The following WWOX variants were observed in gnomAD, a reference collection of about 807,000 sequenced individuals.
The protein encoded by WWOX is WW domain-containing oxidoreductase.
WWOX carries 69 observed loss-of-function variants against 46.2 expected under a neutral mutation model. The observed-to-expected ratio is 1.49, with a 90% CI of 1.23 to 1.82. The LOEUF (loss-of-function observed/expected upper bound fraction) is 1.82, where lower values mean the gene tolerates loss of function less well. Among genes scored for constraint, WWOX ranks in the 40% most tolerant of loss-of-function variants. The pLI, the probability that WWOX is intolerant of heterozygous loss-of-function variation, is 0.00. For missense variants in WWOX, 919 were observed against 542.6 expected (o/e 1.69, Z -6.89); for synonymous variants, 359 against 202.6 (o/e 1.77, Z -6.56).
At chr16:78,581,747 G>C (rs1244951033) in intron 8 of WWOX, among the ~76,000 whole-genome samples, 3 of 152,130 alleles carry the variant, frequency 2.0e-5, no homozygotes, top group Admixed American at 2.0e-4. Flanking sequence ...ATTATCTCTT[G>C]TAACACCAGG....
chr16:78,946,871 C>G (rs2045959355), intron 8 of WWOX, among the ~76,000 whole-genome samples: 1 of 152,058 alleles, frequency 6.6e-6, no homozygotes, highest in Non-Finnish European at 1.5e-5. Context: ...GTGGCAAGGA[C>G]AAGAGGACAT....
intron 8 of WWOX, among the ~76,000 whole-genome samples, chr16:78,533,406 TGAG>T (rs950227917): frequency 2.2e-4 from 18 of 83,014 alleles, no homozygotes; most frequent in African/African-American, 4.4e-4. Flanking sequence ...CAATTGTTGA[TGAG>T]CTAAAAAAAA....
At chr16:78,127,683 C>G (rs555598924) in intron 4 of WWOX, among the ~76,000 whole-genome samples, 3 of 152,310 alleles carry the variant, frequency 2.0e-5, no homozygotes, top group Non-Finnish European at 2.9e-5. Flanking sequence ...CATTAGCACA[C>G]TTGTTCACCC....
chr16:78,734,328 A>C lies in WWOX; in HGVS notation c.1056+301576A>C, dbSNP rs1339907196. ...TCTCAGGAGGGTAGCCTCAGATATAAGCTTAGGAGTCCTGAATTTATCATC... is the reference window on the plus strand; with the variant it reads ...TCTCAGGAGGGTAGCCTCAGATATACGCTTAGGAGTCCTGAATTTATCATC... On this transcript the variant is annotated intron_variant, in intron 8 of 8. Coordinates refer to ENST00000566780, the MANE Select transcript of WWOX (RefSeq NM_016373.4). Among the ~76,000 whole-genome samples the C allele has an allele frequency of 2.6e-5, 4 of 152,132 alleles. No individual in the cohort carries two copies. In the East Asian group the frequency reaches 7.8e-4, roughly 29 times the overall value.
At chr16:78,891,066 A>G (rs58151365) in intron 8 of WWOX, 1 of 152,210 alleles carries the variant, frequency 6.6e-6, no homozygotes, top group Non-Finnish European at 1.5e-5. Flanking sequence ...TTCATAGTGA[A>G]TAAAAAGTGA....
rs2083258320 is a variant in WWOX, at chr16:78,432,870, C to T, written c.1056+118C>T. On this transcript the variant is annotated intron_variant, in intron 8 of 8. Coordinates refer to ENST00000566780, the MANE Select transcript of WWOX (RefSeq NM_016373.4). ...GTCTGGTCTCAGTAATAACATTGTC[C>T]AGCCCATCATAAAGGGCTCTTGAAC... 8.0e-6 allele frequency: 12 copies of T among 1,500,154 alleles called. No homozygotes were observed. In the South Asian group the frequency reaches 1.1e-4, roughly 14 times the overall value. 92.9% of individuals were successfully genotyped at this position (1,500,154 alleles called of 1,614,324 possible).
intron 8 of WWOX, among the ~76,000 whole-genome samples, chr16:79,042,083 C>G (rs908815095): frequency 6.6e-6 from 1 of 152,104 alleles, no homozygotes; most frequent in Non-Finnish European, 1.5e-5. Context: ...TACCATGTTC[C>G]AGGTGCCTGC....
At chr16:79,114,020 C>A (rs571492307) in intron 8 of WWOX, among the ~76,000 whole-genome samples, 47 of 152,274 alleles carry the variant, frequency 3.1e-4, no homozygotes, top group African/African-American at 1.1e-3. Context: ...TGTTTGACTT[C>A]CTGACAGCCC....
rs72795654 is a variant in WWOX, at chr16:79,066,173, C to G, written c.1057-145435C>G. 4.5e-3 allele frequency among the ~76,000 whole-genome samples: 679 copies of G among 152,294 alleles called. 3 individuals are homozygous for G. The highest frequency in any genetic ancestry group is 7.8e-3 in the Admixed American group (120 of 15,306). On this transcript the variant is annotated intron_variant, in intron 8 of 8. Coordinates refer to ENST00000566780, the MANE Select transcript of WWOX (RefSeq NM_016373.4). ...TCTTTGAGTTTGCCGTCCTCTCTTC[C>G]TAAATCACTCCCCTCCCTCCACTGT...
chr16:79,180,932 T>C (rs1416363905), intron 8 of WWOX, among the ~76,000 whole-genome samples: 1 of 152,268 alleles, frequency 6.6e-6, no homozygotes, highest in Non-Finnish European at 1.5e-5. Context: ...GTCTGGTCTT[T>C]TTCCCTATTC....
intron 8 of WWOX, among the ~76,000 whole-genome samples, chr16:79,109,478 A>G (rs1014879161): frequency 6.6e-6 from 1 of 152,150 alleles, no homozygotes; most frequent in Non-Finnish European, 1.5e-5. Flanking sequence ...TTGGTTTTAA[A>G]TTCAAGGATT....
At chr16:79,090,888 G>A (rs192315164) in intron 8 of WWOX, among the ~76,000 whole-genome samples, 1 of 152,276 alleles carries the variant, frequency 6.6e-6, no homozygotes, top group East Asian at 1.9e-4. Flanking sequence ...TTGCCTCCTG[G>A]GTTCAAACAA....
chr16:78,116,708 T>C (rs2032810529), intron 4 of WWOX, among the ~76,000 whole-genome samples: 2 of 152,218 alleles, frequency 1.3e-5, no homozygotes, highest in South Asian at 4.1e-4. Flanking sequence ...AGTGAATGCA[T>C]GGACCCATAC....
intron 8 of WWOX, among the ~76,000 whole-genome samples, chr16:78,468,311 T>A (rs902677327): frequency 2.2e-4 from 33 of 150,264 alleles, no homozygotes; most frequent in African/African-American, 4.4e-4. Flanking sequence ...AACACTGTAC[T>A]CCAGACTGTG....
At chr16:78,800,686 G>A (rs2050863314) in intron 8 of WWOX, among the ~76,000 whole-genome samples, 1 of 152,154 alleles carries the variant, frequency 6.6e-6, no homozygotes, top group Non-Finnish European at 1.5e-5. Context: ...AACATTTTAG[G>A]GGGTTCCTGA....
intron 8 of WWOX, among the ~76,000 whole-genome samples, chr16:78,633,690 A>T (rs1453059304): frequency 6.6e-6 from 1 of 152,076 alleles, no homozygotes; most frequent in Non-Finnish European, 1.5e-5. Flanking sequence ...GCGTGCTTTT[A>T]TGCTTCGCTG....
At chr16:79,083,177 C>T (rs2048792038) in intron 8 of WWOX, among the ~76,000 whole-genome samples, 2 of 152,126 alleles carry the variant, frequency 1.3e-5, no homozygotes, top group Admixed American at 1.3e-4. Flanking sequence ...TGCGGTTCCC[C>T]TACTTGAGGG....
At chr16:78,582,144 G>A (rs1362249726) in intron 8 of WWOX, among the ~76,000 whole-genome samples, 2 of 152,150 alleles carry the variant, frequency 1.3e-5, no homozygotes, top group Non-Finnish European at 2.9e-5. Context: ...AGCAGAAAAT[G>A]TACAGTTATA....
chr16:78,254,983 T>A (rs542777365), intron 5 of WWOX, among the ~76,000 whole-genome samples: 1 of 152,336 alleles, frequency 6.6e-6, no homozygotes, highest in Non-Finnish European at 1.5e-5. Flanking sequence ...TTGCAGGAAC[T>A]GCTTAAGAGG....
Sources: allele counts gnomAD v4.1 joint callset (sites outside exome capture counted in the v4.1 genomes callset), GRCh38; gene constraint gnomAD v4.1.1; transcripts MANE v1.5; gene names NCBI Gene and HGNC (gene_info 2026-07-23, HGNC 2026-07-21).